PDIA6: variants seen among roughly 807,000 people sequenced by gnomAD.
PDIA6 encodes the protein protein disulfide-isomerase A6.
A neutral mutation model predicts 58.4 loss-of-function variants in PDIA6; 29 were observed. The observed-to-expected ratio is 0.50, with a 90% CI of 0.37 to 0.68. The LOEUF (loss-of-function observed/expected upper bound fraction) is 0.68. Ranked by LOEUF, PDIA6 falls within the 30% of genes least tolerant of loss-of-function variation. The probability of loss-of-function intolerance (pLI) is 0.00; values close to 1 mark genes in which losing one functional copy is unlikely to be tolerated. For synonymous variants in PDIA6, 192 were observed against 202.6 expected, an observed-to-expected ratio of 0.95 and a Z score of 0.44; for missense variants, 480 against 551.0, an observed-to-expected ratio of 0.87 and a Z score of 1.29.
At chr2:10,837,428 A>C (rs1010799083), upstream of PDIA6, 17 of 646,266 alleles carry the variant, frequency 2.6e-5, no homozygotes, top group African/African-American at 1.1e-4. Flanking sequence ...GAGAGGAATA[A>C]AAATGAGGGG....
chr2:10,808,125 C>A (rs1319572954), intron 1 of PDIA6, among the ~76,000 whole-genome samples: 1 of 152,160 alleles, frequency 6.6e-6, no homozygotes, highest in African/African-American at 2.4e-5. Flanking sequence ...AATAGTGAAG[C>A]CACTAAAGGG....
intron 2 of PDIA6, among the ~76,000 whole-genome samples, chr2:10,798,574 A>AC (rs1666372219): frequency 4.0e-5 from 1 of 24,840 alleles, no homozygotes; most frequent in Non-Finnish European, 1.2e-4. Flanking sequence ...TCCCCCACCC[A>AC]AAAAAAAAAA....
At chr2:10,823,201 C>T (rs1206269415) in intron 1 of PDIA6, 1 of 152,358 alleles carries the variant, frequency 6.6e-6, no homozygotes, top group Non-Finnish European at 1.5e-5. Context: ...GGTGCAGTCT[C>T]ATTGTCAGCA....
chr2:10,795,170 GA>G (rs1414580001), intron 4 of PDIA6, among the ~76,000 whole-genome samples: 5 of 151,974 alleles, frequency 3.3e-5, no homozygotes, highest in Non-Finnish European at 7.4e-5. Context: ...AGTATACTAG[GA>G]AAAAAACTTT....
chr2:10,790,210 C>A (rs1390522188), intron 7 of PDIA6, among the ~76,000 whole-genome samples: 1 of 151,876 alleles, frequency 6.6e-6, no homozygotes, highest in Admixed American at 6.5e-5. Context: ...AAATCCTGGC[C>A]TCAAGTGATC....
At chr2:10,828,676 C>T (rs146674102) in intron 1 of PDIA6, among the ~76,000 whole-genome samples, 106 of 152,342 alleles carry the variant, frequency 7.0e-4, no homozygotes, top group African/African-American at 2.4e-3. Flanking sequence ...CCTACCAGCC[C>T]CCTTTGGATC....
At chr2:10,787,020 A>G (rs988632240) in intron 11 of PDIA6, among the ~76,000 whole-genome samples, 9 of 152,328 alleles carry the variant, frequency 5.9e-5, no homozygotes, top group Admixed American at 5.2e-4. Flanking sequence ...GCCCAGGGCC[A>G]GATGCACAGA....
At chr2:10,784,721 T>C (rs1344386280) in intron 12 of PDIA6, 1 of 558,916 alleles carries the variant, frequency 1.8e-6, no homozygotes, top group Non-Finnish European at 3.2e-6. Context: ...TACTGAAATG[T>C]ATCTTGGCTG....
chr2:10,797,121 C>T lies in PDIA6; in HGVS notation c.306G>A (p.Lys102=). The T allele has an allele frequency of 1.2e-6, 2 of 1,613,514 alleles. No individual in the cohort carries two copies. The highest frequency in any genetic ancestry group is 1.6e-4 in the Middle Eastern group (1 of 6,062). Residue 102 remains lysine (K), a synonymous_variant, in exon 4 of 13, where the codon AAG becomes AAA. Transcript: ENST00000272227. The part of the protein sequence containing the change: ...QYGVQGFPTI[K]IFGSNKNRPE... The stretch of plus-strand genomic sequence containing the variant: ...GTCTGTTTTTGTTGGATCCAAAAAT[C>T]TTAATGGTAGGAAATCCCTGAACAC...
At chr2:10,831,913 C>G (rs1402911284) in intron 1 of PDIA6, among the ~76,000 whole-genome samples, 2 of 150,342 alleles carry the variant, frequency 1.3e-5, no homozygotes, top group African/African-American at 4.9e-5. Flanking sequence ...ATGTGCCAGG[C>G]TCTCTGCTGG....
At chr2:10,826,936 C>T (rs1424300782) in intron 1 of PDIA6, among the ~76,000 whole-genome samples, 1 of 152,208 alleles carries the variant, frequency 6.6e-6, no homozygotes. Context: ...ACTGCAGTCT[C>T]AGCTTATGTA....
chr2:10,807,300 C>G (rs985197468), intron 1 of PDIA6, among the ~76,000 whole-genome samples: 3 of 152,234 alleles, frequency 2.0e-5, no homozygotes, highest in African/African-American at 7.2e-5. Flanking sequence ...CAGCCCTGAC[C>G]TCCTGGGCTC....
chr2:10,818,503 T>TTTAC (rs1667278150), intron 2 of PDIA6, among the ~76,000 whole-genome samples: 1 of 125,498 alleles, frequency 8.0e-6, no homozygotes, highest in African/African-American at 3.0e-5. Flanking sequence ...TATTTATTTA[T>TTTAC]TTATTTATTT....
In PDIA6 at chr2:10,785,023, A is replaced by C. The variant is rs1349368535; in HGVS notation, c.1165T>G (p.Ser389Ala). 2.5e-6 allele frequency: 4 copies of C among 1,576,016 alleles called. No individual in the cohort carries two copies. Among genetic ancestry groups the C allele is most frequent in the Non-Finnish European group, 1.7e-6 (2 of 1,159,010 alleles). The change falls in exon 12 of 13, where the codon TCT (serine) becomes GCT (alanine). Residue 389 changes from serine (S) to alanine (A), a missense_variant. By Grantham distance (99) the Ser-to-Ala change is moderately conservative. Transcript: ENST00000272227. ...QGINEFLREL[S>A]FGRGSTAPVG... ...GGTGCCGTGGAGCCACGCCCAAAAG[A>C]GAGCTCCCTTAGGGAAAAATGACCA...
At chr2:10,836,429 T>A (rs952171428), upstream of PDIA6, among the ~76,000 whole-genome samples, 4 of 152,048 alleles carry the variant, frequency 2.6e-5, no homozygotes, top group African/African-American at 9.7e-5. Flanking sequence ...CCCAGGCTGA[T>A]CTCGAATTCC....
At chr2:10,794,738 C>A (rs1029360385) in intron 4 of PDIA6, among the ~76,000 whole-genome samples, 3 of 152,010 alleles carry the variant, frequency 2.0e-5, no homozygotes, top group Non-Finnish European at 4.4e-5. Flanking sequence ...AGCAGCCTGA[C>A]CAACATGGTG....
chr2:10,837,026 C>T (rs1037349009), upstream of PDIA6, among the ~76,000 whole-genome samples: 6 of 152,212 alleles, frequency 3.9e-5, no homozygotes, highest in Non-Finnish European at 5.9e-5. Context: ...GTCCCACTTA[C>T]AGCAAGGAAA....
chr2:10,832,783 G>A (rs1667742864), upstream of PDIA6, among the ~76,000 whole-genome samples: 1 of 152,226 alleles, frequency 6.6e-6, no homozygotes, highest in Non-Finnish European at 1.5e-5. Context: ...TCTCCTGAGG[G>A]GAGGGGCAGC....
At chr2:10,811,407 G>C (rs1666992473) in intron 1 of PDIA6, among the ~76,000 whole-genome samples, 1 of 152,140 alleles carries the variant, frequency 6.6e-6, no homozygotes, top group Non-Finnish European at 1.5e-5. Flanking sequence ...GCATGTGCCT[G>C]GATCCCTTGA....
Sources: allele counts gnomAD v4.1 joint callset (sites outside exome capture counted in the v4.1 genomes callset), GRCh38; gene constraint gnomAD v4.1.1; transcripts MANE v1.5; gene names NCBI Gene and HGNC (gene_info 2026-07-23, HGNC 2026-07-21).